The following GALNT17 variants were observed in gnomAD, a reference collection of about 807,000 sequenced individuals.
GALNT17 encodes the protein UDP-GalNAc:polypeptide N-acetylgalactosaminyltransferase-like 3.
GALNT17 carries 29 observed loss-of-function variants against 63.7 expected under a neutral mutation model. The ratio of observed to expected loss-of-function variants is 0.46; its 90% CI spans 0.34 to 0.62. The LOEUF is 0.62. Ranked by LOEUF, GALNT17 falls within the 20% of genes least tolerant of loss-of-function variation. The pLI, the probability that GALNT17 is intolerant of heterozygous loss-of-function variation, is 0.01. For synonymous variants in GALNT17, 305 were observed against 318.3 expected (o/e 0.96, Z 0.45); for missense variants, 603 against 799.6 (o/e 0.75, Z 2.97).
At chr7:71,247,091 C>G (rs1790113291) in intron 1 of GALNT17, among the ~76,000 whole-genome samples, 1 of 152,078 alleles carries the variant, frequency 6.6e-6, no homozygotes, top group East Asian at 1.9e-4. Flanking sequence ...TGCTTTTCCT[C>G]TGCTGGGTTT....
At chr7:71,517,587 A>G (rs534897601) in intron 5 of GALNT17, among the ~76,000 whole-genome samples, 1 of 152,292 alleles carries the variant, frequency 6.6e-6, no homozygotes, top group Non-Finnish European at 1.5e-5. Context: ...ATTTGCAATC[A>G]TATGGTGGTT....
At position 71,221,830 on chromosome 7, in the gene GALNT17, G is replaced by A. The variant is rs567600679; in HGVS notation, c.238+88790G>A. 2.7e-3 allele frequency among the ~76,000 whole-genome samples: 411 copies of A among 151,626 alleles called. 5 individuals carry two copies. Among genetic ancestry groups the A allele is most frequent in the Non-Finnish European group, 5.7e-4 (39 of 67,966 alleles). On this transcript the variant is annotated intron_variant, in intron 1 of 10. Coordinates refer to ENST00000333538, the MANE Select transcript of GALNT17 (RefSeq NM_022479.3). ...GAGTTCCCTAATGGTAACATCTTACGTAACTGTGGTATGATGGTCAAAGCT... is the reference window on the plus strand; with the variant it reads ...GAGTTCCCTAATGGTAACATCTTACATAACTGTGGTATGATGGTCAAAGCT...
intron 1 of GALNT17, among the ~76,000 whole-genome samples, chr7:71,281,987 T>G (rs1465231): frequency 0.46 from 69,230 of 152,018 alleles, 17,004 homozygotes; most frequent in Non-Finnish European, 0.54. Context: ...CACAGGTTGC[T>G]TCTATGTGTT....
chr7:71,249,100 A>G (rs1790151627), intron 1 of GALNT17, among the ~76,000 whole-genome samples: 1 of 152,240 alleles, frequency 6.6e-6, no homozygotes, highest in Non-Finnish European at 1.5e-5. Context: ...AAGTAGAGTC[A>G]GTATCTTGAA....
At chr7:71,364,283 G>A (rs1261679418) in intron 2 of GALNT17, among the ~76,000 whole-genome samples, 1 of 152,114 alleles carries the variant, frequency 6.6e-6, no homozygotes, top group African/African-American at 2.4e-5. Context: ...TTGGTGTTCT[G>A]CCTTCCTCAG....
chr7:71,382,123 T>C (rs923798825), intron 2 of GALNT17, among the ~76,000 whole-genome samples: 1 of 151,830 alleles, frequency 6.6e-6, no homozygotes, highest in Non-Finnish European at 1.5e-5. Flanking sequence ...CTCACGCCTG[T>C]AATCCTAGCA....
chr7:71,571,375 AG>A lies in GALNT17; in HGVS notation c.1055del (p.Gly352GlufsTer64), dbSNP rs769561429. The A allele has an allele frequency of 6.2e-7, 1 of 1,613,924 alleles. No homozygotes were observed. Among genetic ancestry groups the A allele is most frequent in the South Asian group, 1.1e-5 (1 of 91,068 alleles). On this transcript the variant is annotated frameshift_variant, in exon 6 of 11. Transcript: ENST00000333538. LOFTEE classifies it high-confidence loss of function. ...LLDPGMDVYGGENIELGIKVW... is the reference protein window; with the variant it reads ...LLDPGMDVYGXENIELGIKVW... The stretch of plus-strand genomic sequence containing the variant: ...TGGATCCTGGCATGGATGTATACGG[AG>A]GAGAAAATATTGAACTGGGAATCAA...
intron 10 of GALNT17, 104 bp from the exon 11 acceptor site, chr7:71,711,914 T>C: frequency 3.1e-6 from 4 of 1,299,928 alleles, no homozygotes; most frequent in Non-Finnish European, 4.3e-6. Context: ...TTTTTCTCTT[T>C]GTCATTTTCT....
intron 5 of GALNT17, among the ~76,000 whole-genome samples, chr7:71,501,676 G>T (rs4719130): frequency 0.59 from 89,859 of 151,844 alleles, 28,093 homozygotes; most frequent in Non-Finnish European, 0.71. Flanking sequence ...GTGCAGGGCA[G>T]ACAGGCTCTG....
intron 2 of GALNT17, among the ~76,000 whole-genome samples, chr7:71,356,178 A>T (rs1392560805): frequency 6.6e-6 from 1 of 152,060 alleles, no homozygotes; most frequent in Non-Finnish European, 1.5e-5. Flanking sequence ...GGGTTTCGCC[A>T]TGTTGGCCAG....
Position 71,291,963 on chromosome 7 carries a change from G to A in GALNT17, c.239-43587G>A, listed in dbSNP as rs75855902. Among the ~76,000 whole-genome samples the A allele has an allele frequency of 2.0e-5, 3 of 152,180 alleles. No homozygotes were observed. The South Asian group carries it at 6.2e-4, about 32-fold the overall frequency. Reference sequence around the variant, plus strand: ...TTTCTCAAACTGTTTCAACAGAGTGGTTGGTTCATTTATTTTTCATGGTTT... The same window carrying A: ...TTTCTCAAACTGTTTCAACAGAGTGATTGGTTCATTTATTTTTCATGGTTT... On this transcript the variant is annotated intron_variant, in intron 1 of 10. Coordinates refer to ENST00000333538, the MANE Select transcript of GALNT17 (RefSeq NM_022479.3).
At chr7:71,308,744 GTTT>G (rs760443992) in intron 1 of GALNT17, among the ~76,000 whole-genome samples, 4 of 138,774 alleles carry the variant, frequency 2.9e-5, no homozygotes, top group African/African-American at 2.6e-5. Flanking sequence ...TTTCTCTTTA[GTTT>G]TTTTTTTTTT....
chr7:71,711,041 G>T (rs1034818215), intron 10 of GALNT17, 113 bp downstream of exon 10: 79 of 1,394,122 alleles, frequency 5.7e-5, no homozygotes, highest in Non-Finnish European at 7.2e-5. Context: ...CCCGAACCCA[G>T]GTCTCCCTGC....
At chr7:71,273,439 T>C (rs1790628768) in intron 1 of GALNT17, among the ~76,000 whole-genome samples, 2 of 152,224 alleles carry the variant, frequency 1.3e-5, no homozygotes, top group South Asian at 2.1e-4. Context: ...TAGATTATTT[T>C]CTCCCTGGTT....
At chr7:71,407,832 G>A (rs1283867007) in intron 3 of GALNT17, among the ~76,000 whole-genome samples, 1 of 152,048 alleles carries the variant, frequency 6.6e-6, no homozygotes, top group East Asian at 1.9e-4. Context: ...CATATTTTAC[G>A]ACTCCATTTT....
Position 71,243,903 on chromosome 7 carries a change from A to T in GALNT17, c.239-91647A>T, listed in dbSNP as rs557070396. Among the ~76,000 whole-genome samples, 82 of 152,344 alleles carry T rather than the reference A, an allele frequency of 5.4e-4. 1 individual carries two copies. Among genetic ancestry groups the T allele is most frequent in the Non-Finnish European group, 5.1e-4 (35 of 68,028 alleles). ...AGGTCATGATGTCGTTGGCAGGATC[A>T]AGAGTTTGTGGAAGCCAGATTGAAG... On this transcript the variant is annotated intron_variant, in intron 1 of 10. Coordinates refer to ENST00000333538, the MANE Select transcript of GALNT17 (RefSeq NM_022479.3).
intron 8 of GALNT17, among the ~76,000 whole-genome samples, chr7:71,670,831 A>C (rs373811004): frequency 2.4e-4 from 37 of 152,022 alleles, no homozygotes; most frequent in African/African-American, 8.9e-4. Context: ...GGACTTGGGG[A>C]TCTGGATACC....
At chr7:71,558,421 C>G (rs975432441) in intron 5 of GALNT17, among the ~76,000 whole-genome samples, 7 of 151,876 alleles carry the variant, frequency 4.6e-5, no homozygotes, top group African/African-American at 1.7e-4. Context: ...TTCCCATCAT[C>G]ATCATCAAAT....
chr7:71,225,097 T>G (rs1046117736), intron 1 of GALNT17, among the ~76,000 whole-genome samples: 2 of 152,092 alleles, frequency 1.3e-5, no homozygotes, highest in African/African-American at 4.8e-5. Context: ...GCCTCCCGCG[T>G]AGCTGTGACT....
Sources: allele counts gnomAD v4.1 joint callset (sites outside exome capture counted in the v4.1 genomes callset), GRCh38; gene constraint gnomAD v4.1.1; transcripts MANE v1.5; gene names NCBI Gene and HGNC (gene_info 2026-07-23, HGNC 2026-07-21).